ABTB3: variants seen among roughly 807,000 people sequenced by gnomAD.
ABTB3 encodes the protein ankyrin repeat and BTB domain containing 3.
the ABTB3 span, among the ~76,000 whole-genome samples, chr12:107,415,101 G>T: frequency 6.6e-6 from 1 of 152,204 alleles, no homozygotes; most frequent in African/African-American, 2.4e-5. Flanking sequence ...TTTGGGACAC[G>T]CACGATCTGT....
chr12:107,554,171 A>G, the ABTB3 span, among the ~76,000 whole-genome samples: 10 of 152,232 alleles, frequency 6.6e-5, no homozygotes, highest in Non-Finnish European at 1.5e-4. Flanking sequence ...TCTCACCTGC[A>G]GATGAGAACA....
At chr12:107,639,024 G>A in the ABTB3 span, among the ~76,000 whole-genome samples, 1 of 152,198 alleles carries the variant, frequency 6.6e-6, no homozygotes, top group Admixed American at 6.5e-5. Flanking sequence ...GTCTGGGGAA[G>A]GTGGGGGAAT....
chr12:107,388,160 C>T, the ABTB3 span, among the ~76,000 whole-genome samples: 3 of 151,818 alleles, frequency 2.0e-5, no homozygotes, highest in East Asian at 3.9e-4. Context: ...TTAGTAGAGA[C>T]GATGTTTCAC....
At chr12:107,509,775 T>C in the ABTB3 span, among the ~76,000 whole-genome samples, 16,275 of 152,290 alleles carry the variant, frequency 0.11, 935 homozygotes, top group African/African-American at 0.13. Flanking sequence ...GCCAAGTCTC[T>C]TAAAAGGGGT....
the ABTB3 span, among the ~76,000 whole-genome samples, chr12:107,543,599 T>C: frequency 6.6e-6 from 1 of 151,952 alleles, no homozygotes; most frequent in Non-Finnish European, 1.5e-5. Flanking sequence ...GGCCACAACA[T>C]AGAGGGTGTG....
the ABTB3 span, among the ~76,000 whole-genome samples, chr12:107,369,034 C>T: frequency 6.4e-4 from 98 of 152,290 alleles, no homozygotes; most frequent in African/African-American, 2.2e-3. Flanking sequence ...TTCCACTCTG[C>T]CACCTCTCTG....
chr12:107,616,227 G>C, the ABTB3 span, among the ~76,000 whole-genome samples: 2 of 152,212 alleles, frequency 1.3e-5, no homozygotes, highest in Non-Finnish European at 2.9e-5. Flanking sequence ...CTTTAAATCA[G>C]GAATGGGAAC....
At chr12:107,477,394 G>T in the ABTB3 span, among the ~76,000 whole-genome samples, 2 of 152,286 alleles carry the variant, frequency 1.3e-5, no homozygotes, top group African/African-American at 4.8e-5. Flanking sequence ...ACGTGGGTTC[G>T]CAGGCATTGG....
the ABTB3 span, among the ~76,000 whole-genome samples, chr12:107,467,429 C>G: frequency 6.6e-6 from 1 of 152,114 alleles, no homozygotes; most frequent in Non-Finnish European, 1.5e-5. Context: ...GTATAGATAG[C>G]CTGTAAACTC....
At chr12:107,319,543 C>T in the ABTB3 span, 2 of 1,552,056 alleles carry the variant, frequency 1.3e-6, no homozygotes, top group African/African-American at 2.7e-5. Context: ...GCCTGGGCCG[C>T]GGCAAGTCGG....
At chr12:107,524,686 C>T in the ABTB3 span, among the ~76,000 whole-genome samples, 37 of 152,294 alleles carry the variant, frequency 2.4e-4, no homozygotes, top group Admixed American at 3.9e-4. Flanking sequence ...ATCAACCACA[C>T]CTGTGAATTG....
chr12:107,477,044 C>T, the ABTB3 span, among the ~76,000 whole-genome samples: 6 of 152,316 alleles, frequency 3.9e-5, no homozygotes, highest in African/African-American at 1.4e-4. Flanking sequence ...GTCCACATGA[C>T]TACTGGTGCT....
At chr12:107,600,328 T>C in the ABTB3 span, among the ~76,000 whole-genome samples, 1 of 152,216 alleles carries the variant, frequency 6.6e-6, no homozygotes, top group Non-Finnish European at 1.5e-5. Flanking sequence ...TGAGATTATT[T>C]TGAAGATTTA....
At chr12:107,382,106 G>T in the ABTB3 span, among the ~76,000 whole-genome samples, 7 of 152,142 alleles carry the variant, frequency 4.6e-5, no homozygotes, top group Admixed American at 4.6e-4. Context: ...GAACAAATTG[G>T]CCAGCAATAA....
At chr12:107,359,350 G>A in the ABTB3 span, among the ~76,000 whole-genome samples, 1 of 152,196 alleles carries the variant, frequency 6.6e-6, no homozygotes, top group Non-Finnish European at 1.5e-5. Flanking sequence ...ATTAGATACA[G>A]ATGAGATTGC....
chr12:107,538,199 C>A, the ABTB3 span, among the ~76,000 whole-genome samples: 3,489 of 152,276 alleles, frequency 0.023, 160 homozygotes, highest in African/African-American at 0.08. Flanking sequence ...CATGAAGACC[C>A]CTGCCTTCAC....
chr12:107,381,095 C>CA, the ABTB3 span, among the ~76,000 whole-genome samples: 4 of 151,986 alleles, frequency 2.6e-5, no homozygotes, highest in East Asian at 7.7e-4. Context: ...ACCCACCCCC[C>CA]ATCATTACTC....
chr12:107,655,256 A>AATATAT, the ABTB3 span, among the ~76,000 whole-genome samples: 15,080 of 148,622 alleles, frequency 0.1, 858 homozygotes, highest in African/African-American at 0.14. Flanking sequence ...GCCTCTTTCA[A>AATATAT]ATATATATAT....
chr12:107,585,133 C>T, the ABTB3 span, among the ~76,000 whole-genome samples: 2 of 152,052 alleles, frequency 1.3e-5, no homozygotes, highest in Non-Finnish European at 1.5e-5. Flanking sequence ...TACAAGAGGC[C>T]GTTTTTCTGC....
Sources: gnomAD v4.1 joint callset for allele counts (sites outside exome capture counted in the v4.1 genomes callset) on GRCh38, gnomAD v4.1.1 for gene constraint, MANE v1.5 for transcripts, NCBI Gene and HGNC (gene_info 2026-07-23, HGNC 2026-07-21) for gene names.